MTTP: variants seen among roughly 807,000 people sequenced by gnomAD.
The protein encoded by MTTP is microsomal triglyceride transfer protein.
In MTTP, 49 loss-of-function variants were observed where a neutral mutation model predicts 90.6. That is an observed-to-expected ratio of 0.54 (90% CI 0.43 to 0.69). The LOEUF (loss-of-function observed/expected upper bound fraction) is 0.69. Among genes scored for constraint, MTTP ranks in the 30% least tolerant of loss-of-function variants. The probability of loss-of-function intolerance (pLI) is 0.00; values close to 1 mark genes in which losing one functional copy is unlikely to be tolerated. For synonymous variants in MTTP, 347 were observed against 384.2 expected, an observed-to-expected ratio of 0.90 and a Z score of 1.13; for missense variants, 945 against 1,067.5, an observed-to-expected ratio of 0.89 and a Z score of 1.60.
At chr4:99,607,381 C>T (rs1332004986) in intron 11 of MTTP, among the ~76,000 whole-genome samples, 1 of 152,146 alleles carries the variant, frequency 6.6e-6, no homozygotes, top group East Asian at 1.9e-4. Context: ...GATAAACCAT[C>T]TGCCGAGAAT....
rs1280449116 is a variant in MTTP, at chr4:99,591,237, A to G, written c.504A>G (p.Val168=). The change falls in exon 5 of 18, where the codon GTA becomes GTG. Residue 168 remains valine, a splice_region_variant and synonymous_variant. Coordinates refer to ENST00000265517, the MANE Select transcript of MTTP (RefSeq NM_001386140.1). The stretch of plus-strand genomic sequence containing the variant: ...TATGCCCTTGCCTTTCTTTTTAGGT[A>G]GATATCTCTGGAAATTGTAAAGTGA... ...TQLSSGTTNE[V]DISGNCKVTY... 6.3e-7 allele frequency: 1 copy of G among 1,597,316 alleles called. No homozygotes were observed. Among genetic ancestry groups the G allele is most frequent in the Non-Finnish European group, 8.6e-7 (1 of 1,165,072 alleles).
At chr4:99,600,834 T>A in intron 9 of MTTP, 101 bp downstream of exon 9, 1 of 1,122,006 alleles carries the variant, frequency 8.9e-7, no homozygotes, top group Non-Finnish European at 1.3e-6. Flanking sequence ...GGCTATCAAC[T>A]AGAGACTTCT....
intron 3 of MTTP, 155 bp downstream of exon 3, chr4:99,583,672 T>C: frequency 1.1e-6 from 1 of 934,258 alleles, no homozygotes; most frequent in South Asian, 1.5e-5. Context: ...ATTAAATGTT[T>C]CCAAACTGAA....
chr4:99,601,657 G>T lies in MTTP; in HGVS notation c.1287G>T (p.Met429Ile). The T allele has an allele frequency of 6.2e-7, 1 of 1,613,090 alleles. No individual in the cohort carries two copies. Among genetic ancestry groups the T allele is most frequent in the Non-Finnish European group, 8.5e-7 (1 of 1,179,324 alleles). Reference sequence around the variant, plus strand: ...GCAGTGACATCAGAGAAACTGTTATGATCATCACTGGGACACTTGTCAGAA... The same window carrying T: ...GCAGTGACATCAGAGAAACTGTTATTATCATCACTGGGACACTTGTCAGAA... Reference protein sequence around the residue: ...IGSSDIRETVMIITGTLVRKL... With the variant: ...IGSSDIRETVIIITGTLVRKL... The change falls in exon 10 of 18, where the codon ATG becomes ATT. Residue 429 changes from methionine (M) to isoleucine (I), a missense_variant. Coordinates refer to ENST00000265517, the MANE Select transcript of MTTP (RefSeq NM_001386140.1).
chr4:99,592,467 A>G (rs965669519), intron 6 of MTTP, among the ~76,000 whole-genome samples: 2 of 151,528 alleles, frequency 1.3e-5, no homozygotes, highest in African/African-American at 4.9e-5. Context: ...GTATAGGTGT[A>G]CAAAAAATAT....
intron 1 of MTTP, among the ~76,000 whole-genome samples, chr4:99,578,118 A>T (rs1190542776): frequency 6.6e-6 from 1 of 152,210 alleles, no homozygotes; most frequent in East Asian, 1.9e-4. Flanking sequence ...TGACTAAGCC[A>T]GTTATCAGTG....
At chr4:99,565,038 A>T (rs1047754802) in intron 1 of MTTP, among the ~76,000 whole-genome samples, 1 of 152,174 alleles carries the variant, frequency 6.6e-6, no homozygotes, top group African/African-American at 2.4e-5. Context: ...CTGGCAAAAA[A>T]GTCTGGATCC....
intron 1 of MTTP, chr4:99,564,331 G>C: frequency 8.5e-7 from 1 of 1,181,156 alleles, no homozygotes. Flanking sequence ...GAAAATGAGA[G>C]AAAAACATCT....
intron 6 of MTTP, among the ~76,000 whole-genome samples, chr4:99,593,269 C>T (rs758703747): frequency 5.9e-5 from 9 of 151,964 alleles, no homozygotes; most frequent in Non-Finnish European, 1.2e-4. Flanking sequence ...ATTTATTGAA[C>T]AGGTTTTAAG....
At chr4:99,600,396 G>C (rs1293342988) in intron 8 of MTTP, among the ~76,000 whole-genome samples, 169 bp from the exon 9 acceptor site, 1 of 151,958 alleles carries the variant, frequency 6.6e-6, no homozygotes, top group Non-Finnish European at 1.5e-5. Flanking sequence ...AAAATAAAAT[G>C]GGGAGGGGTC....
At chr4:99,582,673 T>C (rs570934203) in intron 2 of MTTP, among the ~76,000 whole-genome samples, 1 of 152,300 alleles carries the variant, frequency 6.6e-6, no homozygotes, top group South Asian at 2.1e-4. Flanking sequence ...GATTCCCTTA[T>C]TTGCTTCTCA....
At chr4:99,605,788 A>G (rs34756677) in intron 10 of MTTP, among the ~76,000 whole-genome samples, 10,632 of 151,994 alleles carry the variant, frequency 0.07, 608 homozygotes, top group African/African-American at 0.15. Flanking sequence ...TGTGATGTTT[A>G]GCATCTTTCC....
intron 3 of MTTP, among the ~76,000 whole-genome samples, chr4:99,585,018 A>G (rs960998866): frequency 1.3e-5 from 2 of 152,182 alleles, no homozygotes; most frequent in African/African-American, 4.8e-5. Context: ...CACATTCAGA[A>G]TAAGTTTCTC....
At chr4:99,574,544 A>C (rs771272349), upstream of MTTP, among the ~76,000 whole-genome samples, 25 of 152,322 alleles carry the variant, frequency 1.6e-4, no homozygotes, top group Middle Eastern at 3.4e-3. Flanking sequence ...TATTAAGCAG[A>C]AAGAAGTATC....
intron 3 of MTTP, among the ~76,000 whole-genome samples, chr4:99,587,812 A>T (rs1725294184): frequency 6.6e-6 from 1 of 152,156 alleles, no homozygotes. Flanking sequence ...ATACACTTCC[A>T]AATATTTGAA....
At chr4:99,578,776 T>A (rs752715971) in intron 1 of MTTP, among the ~76,000 whole-genome samples, 7 of 152,226 alleles carry the variant, frequency 4.6e-5, no homozygotes, top group Non-Finnish European at 7.3e-5. Context: ...AATTTAAACA[T>A]CAAATCTGCA....
chr4:99,620,135 A>G (rs1163067897), intron 16 of MTTP, among the ~76,000 whole-genome samples: 1 of 152,200 alleles, frequency 6.6e-6, no homozygotes, highest in Non-Finnish European at 1.5e-5. Context: ...TTTGAAAAAA[A>G]TATCTTTTAA....
upstream of MTTP, chr4:99,574,572 T>C (rs574807490): frequency 7.0e-6 from 3 of 430,872 alleles, no homozygotes; most frequent in Non-Finnish European, 1.3e-5. Flanking sequence ...GTTTTTTTCT[T>C]TGAATGCCCC....
chr4:99,614,414 G>T (rs1302591331), intron 15 of MTTP, among the ~76,000 whole-genome samples: 2 of 152,178 alleles, frequency 1.3e-5, no homozygotes, highest in African/African-American at 4.8e-5. Context: ...CATTATTTGG[G>T]ATTAAACAGT....
Sources: gnomAD v4.1 joint callset for allele counts (sites outside exome capture counted in the v4.1 genomes callset) on GRCh38, gnomAD v4.1.1 for gene constraint, MANE v1.5 for transcripts, NCBI Gene and HGNC (gene_info 2026-07-23, HGNC 2026-07-21) for gene names.